CSGALNACT1: variants seen among roughly 807,000 people sequenced by gnomAD.
The protein encoded by CSGALNACT1 is beta4GalNAcT-1.
CSGALNACT1 carries 52 observed loss-of-function variants against 51.0 expected under a neutral mutation model. The ratio of observed to expected loss-of-function variants is 1.02; its 90% CI spans 0.82 to 1.29. The LOEUF (loss-of-function observed/expected upper bound fraction) is 1.29, where lower values mean the gene tolerates loss of function less well. Among genes scored for constraint, CSGALNACT1 ranks in the 50% most tolerant of loss-of-function variants. The pLI is 0.00. For missense variants in CSGALNACT1, 935 were observed against 679.2 expected, an observed-to-expected ratio of 1.38 and a Z score of -4.19; for synonymous variants, 341 against 254.4, an observed-to-expected ratio of 1.34 and a Z score of -3.24.
intron 1 of CSGALNACT1, among the ~76,000 whole-genome samples, chr8:19,676,945 A>T (rs989226866): frequency 1.3e-5 from 2 of 152,228 alleles, no homozygotes; most frequent in Non-Finnish European, 2.9e-5. Context: ...TTTGACAATG[A>T]AAGAGTTATT....
chr8:19,406,849 C>G (rs562692795), intron 9 of CSGALNACT1, among the ~76,000 whole-genome samples: 1 of 152,254 alleles, frequency 6.6e-6, no homozygotes, highest in Non-Finnish European at 1.5e-5. Context: ...GCTAGGACAA[C>G]AGGCACATGT....
chr8:19,600,573 C>A (rs1380938655), intron 2 of CSGALNACT1, among the ~76,000 whole-genome samples: 1 of 152,198 alleles, frequency 6.6e-6, no homozygotes, highest in Admixed American at 6.5e-5. Context: ...CCCTGAATTA[C>A]TTAAGCCTCT....
At chr8:19,412,298 G>A (rs887178046) in intron 8 of CSGALNACT1, among the ~76,000 whole-genome samples, 11 of 152,218 alleles carry the variant, frequency 7.2e-5, no homozygotes, top group Admixed American at 7.2e-4. Flanking sequence ...AGTTTCCAGA[G>A]CCACAGCTCT....
At chr8:19,669,894 C>A (rs749624000) in intron 1 of CSGALNACT1, among the ~76,000 whole-genome samples, 11 of 152,210 alleles carry the variant, frequency 7.2e-5, no homozygotes, top group Non-Finnish European at 1.5e-4. Context: ...CTTTCAGTTT[C>A]ATCTCCCAGC....
At chr8:19,568,581 G>T (rs1041930513) in intron 3 of CSGALNACT1, among the ~76,000 whole-genome samples, 3 of 151,994 alleles carry the variant, frequency 2.0e-5, no homozygotes, top group Non-Finnish European at 4.4e-5. Context: ...AAAAACAAAA[G>T]GACTTTAAAT....
At chr8:19,522,849 A>G (rs777213080) in intron 3 of CSGALNACT1, among the ~76,000 whole-genome samples, 20 of 152,340 alleles carry the variant, frequency 1.3e-4, no homozygotes, top group Admixed American at 2.6e-4. Flanking sequence ...GGCTCAAAAA[A>G]AAATTTAAAC....
Position 19,466,708 on chromosome 8 carries a change from T to TCAGA in CSGALNACT1, c.635-8070_635-8067dup, listed in dbSNP as rs145942895. On this transcript the variant is annotated intron_variant, in intron 4 of 9. Coordinates refer to ENST00000454498, the Ensembl canonical transcript of CSGALNACT1. ...AAGACTGCTATAAATCCTCACATGC[T>TCAGA]CAGACGCTAGAAGGCAAATCACTCA... Among the ~76,000 whole-genome samples, 515 of 152,262 alleles carry TCAGA rather than the reference T, an allele frequency of 3.4e-3. 2 individuals carry two copies. The highest frequency in any genetic ancestry group is 0.012 in the African/African-American group (496 of 41,538).
chr8:19,655,923 T>C (rs139894151), intron 1 of CSGALNACT1, among the ~76,000 whole-genome samples: 79 of 152,274 alleles, frequency 5.2e-4, no homozygotes, highest in East Asian at 3.5e-3. Flanking sequence ...ACTATGCTAA[T>C]TGAAAGGAGG....
At chr8:19,554,448 G>A (rs2089169452) in intron 3 of CSGALNACT1, among the ~76,000 whole-genome samples, 1 of 109,038 alleles carries the variant, frequency 9.2e-6, no homozygotes, top group Non-Finnish European at 1.9e-5. Context: ...ACCAAGTGAT[G>A]CCACCTCTGG....
intron 4 of CSGALNACT1, among the ~76,000 whole-genome samples, chr8:19,467,231 T>C (rs772865013): frequency 4.0e-5 from 6 of 149,126 alleles, no homozygotes; most frequent in Non-Finnish European, 8.9e-5. Flanking sequence ...AGTATTCTCC[T>C]GCCTCAGCCT....
At position 19,405,839 on chromosome 8, in the gene CSGALNACT1, G is replaced by A. The variant is rs770610429; in HGVS notation, c.1540C>T (p.His514Tyr). 1.2e-6 allele frequency: 2 copies of A among 1,614,070 alleles called. No individual in the cohort carries two copies. The highest frequency in any genetic ancestry group is 1.7e-5 in the Admixed American group (1 of 60,014). Residue 514 changes from histidine to tyrosine, a missense_variant, in exon 10 of 10, where the codon CAC becomes TAC. By Grantham distance (83) the His-to-Tyr change is moderately conservative (BLOSUM62 2). Coordinates refer to ENST00000454498, the Ensembl canonical transcript of CSGALNACT1. ...TTGCGAAGGTGAGCCTCTATCTCGT[G>A]CCTGAACACCAGCATGCCCAGCTGG...
intron 4 of CSGALNACT1, among the ~76,000 whole-genome samples, chr8:19,493,067 AAAAAC>A (rs1194469756): frequency 5.3e-5 from 8 of 151,978 alleles, no homozygotes; most frequent in African/African-American, 1.9e-4. Flanking sequence ...GAAAAAAAAA[AAAAAC>A]ATCTGTAAAT....
chr8:19,497,596 T>C (rs1563735472), intron 4 of CSGALNACT1, among the ~76,000 whole-genome samples: 2 of 152,294 alleles, frequency 1.3e-5, no homozygotes, highest in African/African-American at 4.8e-5. Context: ...ACAACAATTA[T>C]ATGGGTCACT....
intron 1 of CSGALNACT1, among the ~76,000 whole-genome samples, chr8:19,691,089 C>A (rs2061289156): frequency 6.6e-6 from 1 of 152,126 alleles, no homozygotes; most frequent in Non-Finnish European, 1.5e-5. Context: ...GAGACCTAGT[C>A]TCAAAGAAAA....
intron 4 of CSGALNACT1, among the ~76,000 whole-genome samples, chr8:19,461,302 C>G (rs1169589945): frequency 6.6e-6 from 1 of 152,226 alleles, no homozygotes; most frequent in Non-Finnish European, 1.5e-5. Flanking sequence ...ACTGAGGCAA[C>G]AGGCTCTTTT....
intron 4 of CSGALNACT1, among the ~76,000 whole-genome samples, chr8:19,458,937 A>C (rs537307916): frequency 4.6e-5 from 7 of 152,222 alleles, no homozygotes; most frequent in African/African-American, 1.2e-4. Flanking sequence ...GATTTTTAGG[A>C]AACAGGCCAA....
chr8:19,490,301 C>A (rs954607562), intron 4 of CSGALNACT1, among the ~76,000 whole-genome samples: 2 of 152,156 alleles, frequency 1.3e-5, no homozygotes, highest in East Asian at 3.9e-4. Context: ...GACTGCAAAA[C>A]AGTATTTTGG....
At chr8:19,415,266 T>TC (rs2056647189) in intron 8 of CSGALNACT1, among the ~76,000 whole-genome samples, 1 of 152,120 alleles carries the variant, frequency 6.6e-6, no homozygotes, top group South Asian at 2.1e-4. Flanking sequence ...CCTAGGCCAG[T>TC]CCCCCGTAGG....
At chr8:19,729,703 T>G (rs1355617842) in intron 1 of CSGALNACT1, among the ~76,000 whole-genome samples, 1 of 152,180 alleles carries the variant, frequency 6.6e-6, no homozygotes, top group Non-Finnish European at 1.5e-5. Context: ...ACAGAAGACA[T>G]GGAGAACATG....
Sources: allele counts gnomAD v4.1 joint callset (sites outside exome capture counted in the v4.1 genomes callset), GRCh38; gene constraint gnomAD v4.1.1; transcripts MANE v1.5; gene names NCBI Gene and HGNC (gene_info 2026-07-23, HGNC 2026-07-21).